Variants in PCTP observed in about 807,000 individuals in gnomAD.
PCTP encodes the protein phosphatidylcholine transfer protein.
A neutral mutation model predicts 31.0 loss-of-function variants in PCTP; 27 were observed. The ratio of observed to expected loss-of-function variants is 0.87; its 90% CI spans 0.64 to 1.20. The LOEUF is 1.20. PCTP is among the 50% of genes most tolerant of loss of function. The probability of loss-of-function intolerance (pLI) is 0.00; values close to 1 mark genes in which losing one functional copy is unlikely to be tolerated. For missense variants in PCTP, 287 were observed against 268.2 expected (o/e 1.07, Z -0.49); for synonymous variants, 108 against 101.2 (o/e 1.07, Z -0.40).
intron 3 of PCTP, among the ~76,000 whole-genome samples, chr17:55,803,385 A>T (rs182586919): frequency 6.6e-6 from 1 of 152,358 alleles, no homozygotes; most frequent in African/African-American, 2.4e-5. Flanking sequence ...GAAACAAAAA[A>T]GAGCCCATAT....
At chr17:55,836,458 A>G (rs532570178) in intron 5 of PCTP, among the ~76,000 whole-genome samples, 1 of 152,316 alleles carries the variant, frequency 6.6e-6, no homozygotes, top group East Asian at 1.9e-4. Flanking sequence ...TGTGAGGTGA[A>G]GGGTCTTCTC....
intron 5 of PCTP, among the ~76,000 whole-genome samples, chr17:55,841,391 G>A (rs912078863): frequency 1.1e-4 from 16 of 152,328 alleles, no homozygotes; most frequent in African/African-American, 3.8e-4. Context: ...GGGCGCAGTA[G>A]AGTTGGGTGA....
In PCTP at chr17:55,839,714, A is replaced by G. The variant is rs1462412950; in HGVS notation, n.506-3013A>G. Among the ~76,000 whole-genome samples, 3 of 151,592 alleles carry G rather than the reference A, an allele frequency of 2.0e-5. No individual in the cohort carries two copies. The East Asian group carries it at 5.8e-4, about 29-fold the overall frequency. On this transcript the variant is annotated intron_variant and non_coding_transcript_variant, in intron 5 of 5. Coordinates refer to the PCTP transcript ENST00000576221. ...GGCGGGCGGATCACGAGGTCAGGAG[A>G]TCGAGACCATCCCGGCTAAAACGGT...
At chr17:55,820,157 AATAG>A (rs1913069335) in intron 3 of PCTP, among the ~76,000 whole-genome samples, 1 of 152,192 alleles carries the variant, frequency 6.6e-6, no homozygotes, top group South Asian at 2.1e-4. Flanking sequence ...AAATAAACAA[AATAG>A]ATAAATGTAA....
At chr17:55,755,964 C>T (rs1402235838) in intron 1 of PCTP, among the ~76,000 whole-genome samples, 1 of 152,196 alleles carries the variant, frequency 6.6e-6, no homozygotes. Context: ...AAATACACAA[C>T]TTGCTTCCAT....
At chr17:55,798,039 A>G (rs551575463) in intron 3 of PCTP, among the ~76,000 whole-genome samples, 1 of 152,166 alleles carries the variant, frequency 6.6e-6, no homozygotes, top group Admixed American at 6.6e-5. Context: ...ATCAGACTGT[A>G]TTAAAAAAAC....
At chr17:55,760,012 A>G (rs1157203265) in intron 1 of PCTP, among the ~76,000 whole-genome samples, 10 of 152,180 alleles carry the variant, frequency 6.6e-5, no homozygotes, top group South Asian at 2.1e-4. Context: ...TTTTTCACGC[A>G]TTTGAATCAC....
intron 1 of PCTP, among the ~76,000 whole-genome samples, chr17:55,766,610 C>A (rs1322092058): frequency 1.3e-5 from 2 of 152,066 alleles, no homozygotes; most frequent in Non-Finnish European, 2.9e-5. Context: ...TTTATGGCTG[C>A]ATAGTATTCC....
intron 2 of PCTP, among the ~76,000 whole-genome samples, chr17:55,784,388 TG>T (rs1423806984): frequency 6.6e-6 from 1 of 152,190 alleles, no homozygotes; most frequent in Non-Finnish European, 1.5e-5. Context: ...CCCAACTTTT[TG>T]TTGTCCCTGG....
At chr17:55,834,143 G>A (rs1048737450) in intron 5 of PCTP, among the ~76,000 whole-genome samples, 1 of 152,074 alleles carries the variant, frequency 6.6e-6, no homozygotes, top group East Asian at 1.9e-4. Context: ...CTTTCCTCTT[G>A]TATCTACTCT....
At chr17:55,786,389 T>A (rs981196299) in intron 2 of PCTP, among the ~76,000 whole-genome samples, 4 of 152,226 alleles carry the variant, frequency 2.6e-5, no homozygotes, top group African/African-American at 9.6e-5. Flanking sequence ...TTTGAAAAGA[T>A]ACCTAATGTA....
downstream of PCTP, among the ~76,000 whole-genome samples, chr17:55,782,036 G>T (rs1911582894): frequency 6.6e-6 from 1 of 152,156 alleles, no homozygotes; most frequent in Non-Finnish European, 1.5e-5. Context: ...GAGACCTCAT[G>T]ATATAGTTCC....
chr17:55,780,274 A>C (rs80258592), downstream of PCTP, among the ~76,000 whole-genome samples: 4,139 of 152,232 alleles, frequency 0.027, 186 homozygotes, highest in African/African-American at 0.095. Flanking sequence ...ATTTCATAAG[A>C]TATAATAATG....
intron 3 of PCTP, among the ~76,000 whole-genome samples, chr17:55,795,714 G>A (rs1048068461): frequency 1.1e-4 from 16 of 152,002 alleles, no homozygotes; most frequent in African/African-American, 3.4e-4. Flanking sequence ...ACACATAGTA[G>A]ATATTAAAAA....
intron 3 of PCTP, among the ~76,000 whole-genome samples, chr17:55,804,534 A>G (rs763446086): frequency 3.3e-5 from 5 of 152,358 alleles, no homozygotes; most frequent in Middle Eastern, 6.8e-3. Context: ...CTATGCAGCC[A>G]TAAAAAGGAT....
intron 5 of PCTP, among the ~76,000 whole-genome samples, chr17:55,835,638 G>A (rs1567734940): frequency 6.6e-6 from 1 of 152,164 alleles, no homozygotes; most frequent in African/African-American, 2.4e-5. Flanking sequence ...AAGAGTTGGT[G>A]ATAAAAACTC....
chr17:55,799,081 G>A (rs1316323353), intron 3 of PCTP, among the ~76,000 whole-genome samples: 1 of 151,840 alleles, frequency 6.6e-6, no homozygotes, highest in Non-Finnish European at 1.5e-5. Context: ...GGGGGGGAAT[G>A]CAATAATAAA....
downstream of PCTP, among the ~76,000 whole-genome samples, chr17:55,845,182 G>C (rs1254771103): frequency 6.6e-6 from 1 of 150,938 alleles, no homozygotes; most frequent in Non-Finnish European, 1.5e-5. Flanking sequence ...GAACAACTTG[G>C]AGCAGGATCT....
At chr17:55,842,837 C>T (rs1906027719), downstream of PCTP, 2 of 152,124 alleles carry the variant, frequency 1.3e-5, no homozygotes, top group South Asian at 4.2e-4. Flanking sequence ...CTGTCTATAA[C>T]CATGGGAATA....
Sources: gnomAD v4.1 joint callset for allele counts (sites outside exome capture counted in the v4.1 genomes callset) on GRCh38, gnomAD v4.1.1 for gene constraint, MANE v1.5 for transcripts, NCBI Gene and HGNC (gene_info 2026-07-23, HGNC 2026-07-21) for gene names.